ITGA9: variants seen among roughly 807,000 people sequenced by gnomAD.
The protein encoded by ITGA9 is integrin alpha-9.
Under a neutral mutation model 127.8 loss-of-function variants are expected in ITGA9, and 56 were observed. The ratio of observed to expected loss-of-function variants is 0.44; its 90% CI spans 0.35 to 0.55. The LOEUF (loss-of-function observed/expected upper bound fraction) is 0.55, where lower values mean the gene tolerates loss of function less well. Ranked by LOEUF, ITGA9 falls within the 20% of genes least tolerant of loss-of-function variation. The pLI, the probability that ITGA9 is intolerant of heterozygous loss-of-function variation, is 0.00. For missense variants in ITGA9, 1,196 were observed against 1,347.1 expected (o/e 0.89, Z 1.76); for synonymous variants, 508 against 514.5 (o/e 0.99, Z 0.17).
intron 17 of ITGA9, among the ~76,000 whole-genome samples, chr3:37,680,151 C>A (rs1700721440): frequency 6.6e-6 from 1 of 152,140 alleles, no homozygotes; most frequent in South Asian, 2.1e-4. Context: ...CTCTTCATCT[C>A]AATTTCCTCA....
intron 15 of ITGA9, among the ~76,000 whole-genome samples, chr3:37,611,904 G>T (rs1189987496): frequency 6.6e-6 from 1 of 152,066 alleles, no homozygotes; most frequent in Non-Finnish European, 1.5e-5. Context: ...CTCACACGGG[G>T]AAACAGATGC....
chr3:37,720,696 C>T (rs1274860677), intron 18 of ITGA9, among the ~76,000 whole-genome samples: 2 of 152,150 alleles, frequency 1.3e-5, no homozygotes, highest in South Asian at 2.1e-4. Context: ...CTTTCTGTTA[C>T]GACTGGTTGA....
At position 37,646,155 on chromosome 3, in the gene ITGA9, C is replaced by T. The variant is rs1355347514; in HGVS notation, c.1840-7559C>T. On this transcript the variant is annotated intron_variant, in intron 16 of 27. Coordinates refer to ENST00000264741, the MANE Select transcript of ITGA9 (RefSeq NM_002207.3). Reference sequence around the variant, plus strand: ...CAGGATTCAACAAACAGCCCATAGGCCAAATCCACCACTGCCTGTTTTTGT... The same window carrying T: ...CAGGATTCAACAAACAGCCCATAGGTCAAATCCACCACTGCCTGTTTTTGT... Among the ~76,000 whole-genome samples, 4 of 152,174 alleles carry T rather than the reference C, an allele frequency of 2.6e-5. No homozygotes were observed. The East Asian group carries it at 7.7e-4, about 29-fold the overall frequency.
At chr3:37,468,151 G>T (rs1260477239) in intron 1 of ITGA9, among the ~76,000 whole-genome samples, 3 of 152,042 alleles carry the variant, frequency 2.0e-5, no homozygotes, top group Non-Finnish European at 4.4e-5. Flanking sequence ...GAATTCTGCA[G>T]TTGTGCCCAG....
chr3:37,622,843 T>C (rs1700140612), intron 15 of ITGA9, among the ~76,000 whole-genome samples: 1 of 151,922 alleles, frequency 6.6e-6, no homozygotes, highest in South Asian at 2.1e-4. Flanking sequence ...AAAAAAAAAA[T>C]GCATTAAAAA....
At chr3:37,708,511 A>T (rs1701033049) in intron 18 of ITGA9, among the ~76,000 whole-genome samples, 1 of 152,226 alleles carries the variant, frequency 6.6e-6, no homozygotes, top group Non-Finnish European at 1.5e-5. Context: ...CGGTAGGTAT[A>T]ATTATCCCAG....
chr3:37,636,194 G>A (rs1191588022), intron 16 of ITGA9, among the ~76,000 whole-genome samples: 2 of 152,172 alleles, frequency 1.3e-5, no homozygotes, highest in Non-Finnish European at 1.5e-5. Context: ...CTAGATCCCT[G>A]AGGAATCGCC....
At chr3:37,756,634 A>G (rs1696655580) in intron 23 of ITGA9, among the ~76,000 whole-genome samples, 1 of 152,204 alleles carries the variant, frequency 6.6e-6, no homozygotes. Flanking sequence ...AGTAGTACCT[A>G]TCTCACACTG....
chr3:37,456,336 T>C (rs1698257364), intron 1 of ITGA9, among the ~76,000 whole-genome samples: 1 of 152,208 alleles, frequency 6.6e-6, no homozygotes, highest in Non-Finnish European at 1.5e-5. Flanking sequence ...TCCCACTCCC[T>C]GAGTCTTCTG....
At chr3:37,633,315 G>A (rs1188531517) in intron 16 of ITGA9, among the ~76,000 whole-genome samples, 2 of 152,006 alleles carry the variant, frequency 1.3e-5, no homozygotes, top group East Asian at 1.9e-4. Flanking sequence ...CTCACGATGG[G>A]GTTATGTCCC....
intron 15 of ITGA9, among the ~76,000 whole-genome samples, chr3:37,604,528 T>G (rs1277944861): frequency 6.6e-6 from 1 of 152,180 alleles, no homozygotes; most frequent in Non-Finnish European, 1.5e-5. Flanking sequence ...GAGCTAAACA[T>G]TTAGGAAAAC....
intron 16 of ITGA9, among the ~76,000 whole-genome samples, chr3:37,632,624 A>T (rs1026378174): frequency 6.6e-6 from 1 of 152,216 alleles, no homozygotes; most frequent in Admixed American, 6.5e-5. Flanking sequence ...CAATCACAAT[A>T]AACCAAAATT....
chr3:37,656,303 T>C (rs545019287), intron 17 of ITGA9, among the ~76,000 whole-genome samples: 1 of 152,232 alleles, frequency 6.6e-6, no homozygotes, highest in Non-Finnish European at 1.5e-5. Flanking sequence ...ATTTTCACGA[T>C]ATTGATTCTT....
chr3:37,695,623 AG>A, intron 18 of ITGA9, among the ~76,000 whole-genome samples: 1 of 152,322 alleles, frequency 6.6e-6, no homozygotes, highest in African/African-American at 2.4e-5. Context: ...GCTTACAGAC[AG>A]TCTGGGCTTC....
chr3:37,468,825 G>C (rs1698398390), intron 1 of ITGA9, among the ~76,000 whole-genome samples: 1 of 152,188 alleles, frequency 6.6e-6, no homozygotes, highest in Non-Finnish European at 1.5e-5. Context: ...CCCTTGTGAG[G>C]TGAATTCCCT....
intron 1 of ITGA9, among the ~76,000 whole-genome samples, chr3:37,462,932 A>G (rs967069234): frequency 6.6e-6 from 1 of 152,186 alleles, no homozygotes; most frequent in African/African-American, 2.4e-5. Context: ...GGACTTGTCT[A>G]AAGTCACATA....
chr3:37,782,255 C>G (rs905447976), intron 25 of ITGA9, among the ~76,000 whole-genome samples: 3 of 152,260 alleles, frequency 2.0e-5, no homozygotes, highest in Non-Finnish European at 4.4e-5. Context: ...GGTGACAGCA[C>G]TGGTGGCTGT....
intron 18 of ITGA9, among the ~76,000 whole-genome samples, chr3:37,709,354 C>T (rs923171492): frequency 3.3e-5 from 5 of 152,208 alleles, no homozygotes; most frequent in African/African-American, 1.2e-4. Flanking sequence ...CTCAAGCATT[C>T]ATCCATCTGG....
chr3:37,812,212 TG>T (rs1300735106), intron 27 of ITGA9, among the ~76,000 whole-genome samples: 7 of 152,296 alleles, frequency 4.6e-5, no homozygotes, highest in Non-Finnish European at 5.9e-5. Context: ...GAGTAAATAT[TG>T]GGCTGATGTT....
Sources: allele counts gnomAD v4.1 joint callset (sites outside exome capture counted in the v4.1 genomes callset), GRCh38; gene constraint gnomAD v4.1.1; transcripts MANE v1.5; gene names NCBI Gene and HGNC (gene_info 2026-07-23, HGNC 2026-07-21).